KDM4C: variants seen among roughly 807,000 people sequenced by gnomAD.
The protein encoded by KDM4C is lysine-specific demethylase 4C.
Under a neutral mutation model 129.3 loss-of-function variants are expected in KDM4C, and 81 were observed. The observed-to-expected ratio is 0.63, with a 90% confidence interval of 0.52 to 0.75. The LOEUF is 0.75. Among genes scored for constraint, KDM4C ranks in the 30% least tolerant of loss-of-function variants. KDM4C has a pLI of 0.00. For missense variants in KDM4C, 1,457 were observed against 1,304.0 expected (o/e 1.12, Z -1.81); for synonymous variants, 573 against 456.1 (o/e 1.26, Z -3.26).
At position 7,128,110 on chromosome 9, in the gene KDM4C, C is replaced by T. The variant is rs748793920; in HGVS notation, c.2655C>T (p.Val885=). Residue 885 remains valine (V), a synonymous_variant, in exon 19 of 22, where the codon GTC becomes GTT. Coordinates refer to ENST00000381309, the MANE Select transcript of KDM4C (RefSeq NM_015061.6). ...CEKVISVGQT[V]ITKHRNTRYY... Reference sequence around the variant, plus strand: ...AGGTCATTTCCGTGGGTCAAACGGTCATCACGAAGCATCGGAACACCCGGT... The same window carrying T: ...AGGTCATTTCCGTGGGTCAAACGGTTATCACGAAGCATCGGAACACCCGGT... The T allele has an allele frequency of 1.9e-6, 3 of 1,609,920 alleles. No individual in the cohort carries two copies. Among genetic ancestry groups the T allele is most frequent in the South Asian group, 2.2e-5 (2 of 90,328 alleles).
At position 6,967,365 on chromosome 9, in the gene KDM4C, A is replaced by G. The variant is rs138130221; in HGVS notation, c.922-13560A>G. Among the ~76,000 whole-genome samples the G allele has an allele frequency of 9.1e-3, 1,377 of 151,446 alleles. 19 individuals are homozygous for G. Among genetic ancestry groups the G allele is most frequent in the African/African-American group, 0.032 (1,303 of 41,262 alleles). On this transcript the variant is annotated intron_variant, in intron 8 of 21. Transcript: ENST00000381309. ...CTTGAGCCCAGGAGGCGGAGGTTGC[A>G]GTGAGCCAAGATTGTGCCGCTGCAC...
chr9:6,906,499 A>G (rs941600087), intron 8 of KDM4C, among the ~76,000 whole-genome samples: 2 of 152,198 alleles, frequency 1.3e-5, no homozygotes, highest in African/African-American at 4.8e-5. Context: ...TGGTACACTG[A>G]CCAGAGCCTC....
At chr9:7,111,328 A>G (rs971221194) in intron 18 of KDM4C, among the ~76,000 whole-genome samples, 2 of 152,248 alleles carry the variant, frequency 1.3e-5, no homozygotes, top group African/African-American at 4.8e-5. Flanking sequence ...TAAGCATTTC[A>G]GAATTCACAA....
chr9:7,052,103 A>G (rs771165148), intron 17 of KDM4C, among the ~76,000 whole-genome samples: 1 of 152,222 alleles, frequency 6.6e-6, no homozygotes. Flanking sequence ...TGAATTCAAG[A>G]CTGACAGAAC....
At chr9:7,075,378 TGGG>T (rs1437704486) in intron 17 of KDM4C, among the ~76,000 whole-genome samples, 1 of 152,134 alleles carries the variant, frequency 6.6e-6, no homozygotes, top group Non-Finnish European at 1.5e-5. Context: ...GTGGCAGTGT[TGGG>T]GGGTGCGACC....
chr9:6,969,555 G>A (rs1426882561), intron 8 of KDM4C, among the ~76,000 whole-genome samples: 4 of 152,162 alleles, frequency 2.6e-5, no homozygotes, highest in South Asian at 4.1e-4. Flanking sequence ...TGTCTTATTC[G>A]TTTAACTTTT....
intron 4 of KDM4C, among the ~76,000 whole-genome samples, chr9:6,845,402 A>G (rs1405586578): frequency 6.6e-6 from 1 of 151,914 alleles, no homozygotes; most frequent in Non-Finnish European, 1.5e-5. Flanking sequence ...TTTTGTAGAG[A>G]CGGGGTCTCA....
At chr9:6,757,258 C>A (rs1818365636), upstream of KDM4C, among the ~76,000 whole-genome samples, 1 of 151,980 alleles carries the variant, frequency 6.6e-6, no homozygotes, top group Non-Finnish European at 1.5e-5. Context: ...GTTATCAACT[C>A]TAGTTTCTGA....
chr9:6,827,334 G>A (rs992615790), intron 4 of KDM4C, among the ~76,000 whole-genome samples: 3 of 152,174 alleles, frequency 2.0e-5, no homozygotes, highest in Non-Finnish European at 4.4e-5. Flanking sequence ...CAATATTTAA[G>A]ATGAACTAAA....
intron 2 of KDM4C, among the ~76,000 whole-genome samples, chr9:6,802,369 G>A (rs1588371954): frequency 6.6e-6 from 1 of 152,122 alleles, no homozygotes; most frequent in Non-Finnish European, 1.5e-5. Flanking sequence ...TGAACTACAC[G>A]TATCCTATGT....
At chr9:6,747,539 C>CAAAAAAAAAAAAAAAAAAAAAAA (rs35996555) in intron 1 of KDM4C, among the ~76,000 whole-genome samples, 1 of 98,036 alleles carries the variant, frequency 1.0e-5, no homozygotes, top group African/African-American at 3.6e-5. Context: ...CAGGGCGATT[C>CAAAAAAAAAAAAAAAAAAAAAAA]AAAAAAAAAA....
At chr9:6,931,174 C>G (rs547946564) in intron 8 of KDM4C, among the ~76,000 whole-genome samples, 2 of 151,700 alleles carry the variant, frequency 1.3e-5, no homozygotes, top group East Asian at 3.9e-4. Flanking sequence ...GTAACAAGGG[C>G]AGCATGCATT....
chr9:7,055,791 G>T (rs926536664), intron 17 of KDM4C, among the ~76,000 whole-genome samples: 13 of 152,160 alleles, frequency 8.5e-5, no homozygotes, highest in African/African-American at 2.9e-4. Context: ...TAGAGATAGG[G>T]TCTGCCTCTT....
intron 5 of KDM4C, among the ~76,000 whole-genome samples, chr9:6,870,629 G>A (rs1842698371): frequency 6.6e-6 from 1 of 152,038 alleles, no homozygotes; most frequent in African/African-American, 2.4e-5. Flanking sequence ...GAACACTTTA[G>A]TGAAGGTAGA....
intron 15 of KDM4C, among the ~76,000 whole-genome samples, chr9:7,021,142 A>G (rs12235249): frequency 0.21 from 12,948 of 61,022 alleles, 1,029 homozygotes; most frequent in African/African-American, 0.39. Flanking sequence ...GTGTGTGTGT[A>G]TATATATATA....
In KDM4C at chr9:7,011,775, C is replaced by T; in HGVS notation, c.1864C>T (p.Gln622Ter). The T allele has an allele frequency of 6.2e-7, 1 of 1,614,106 alleles. No individual in the cohort carries two copies. Among genetic ancestry groups the T allele is most frequent in the Non-Finnish European group, 8.5e-7 (1 of 1,179,962 alleles). The change falls in exon 13 of 22, where the codon CAG becomes TAG. Residue 622 changes from glutamine (Q) to a stop codon, truncating the protein, a stop_gained. Transcript: ENST00000381309. LOFTEE classifies it high-confidence loss of function. The part of the protein sequence containing the change: ...SWAKPLIHLW[Q>*]TKSPNFAAEQ... ...GGCGAAACCTCTCATCCACCTTTGG[C>T]AGACGAAGTCCCCTAACTTCGCAGC...
chr9:6,833,318 C>T (rs949396785), intron 4 of KDM4C, among the ~76,000 whole-genome samples: 5 of 150,550 alleles, frequency 3.3e-5, no homozygotes, highest in African/African-American at 1.2e-4. Flanking sequence ...TTAAAAACAT[C>T]TTCTTGACAG....
chr9:6,919,669 G>A (rs891034500), intron 8 of KDM4C, among the ~76,000 whole-genome samples: 2 of 151,362 alleles, frequency 1.3e-5, no homozygotes, highest in African/African-American at 4.9e-5. Context: ...TCCGCCTCCC[G>A]GGTTCAAGTG....
intron 2 of KDM4C, among the ~76,000 whole-genome samples, chr9:6,799,032 C>A (rs1463054376): frequency 6.6e-6 from 1 of 151,364 alleles, no homozygotes; most frequent in East Asian, 1.9e-4. Context: ...GCGCTCCTCA[C>A]TTCCTAGGTG....
Sources: gnomAD v4.1 joint callset for allele counts (sites outside exome capture counted in the v4.1 genomes callset) on GRCh38, gnomAD v4.1.1 for gene constraint, MANE v1.5 for transcripts, NCBI Gene and HGNC (gene_info 2026-07-23, HGNC 2026-07-21) for gene names.